WDR20: variants seen among roughly 807,000 people sequenced by gnomAD.
The protein encoded by WDR20 is WD repeat-containing protein 20.
Under a neutral mutation model 38.7 loss-of-function variants are expected in WDR20, and 3 were observed. That is an observed-to-expected ratio of 0.08 (90% CI 0.04 to 0.20). The LOEUF is 0.20. Ranked by LOEUF, WDR20 falls within the 10% of genes least tolerant of loss-of-function variation. WDR20 has a pLI of 1.00. For synonymous variants in WDR20, 298 were observed against 285.6 expected (o/e 1.04, Z -0.44); for missense variants, 559 against 727.7 (o/e 0.77, Z 2.67).
downstream of WDR20, chr14:102,214,387 G>T: frequency 1.0e-6 from 1 of 985,444 alleles, no homozygotes; most frequent in Non-Finnish European, 1.2e-6. Context: ...AGTGAAGTCT[G>T]TGGCTTTATA....
At chr14:102,176,319 C>T (rs1443065300) in intron 1 of WDR20, among the ~76,000 whole-genome samples, 2 of 151,870 alleles carry the variant, frequency 1.3e-5, no homozygotes, top group African/African-American at 4.8e-5. Flanking sequence ...CGCTTGAACC[C>T]AGGAGGCAGA....
At position 102,189,136 on chromosome 14, in the gene WDR20, G is replaced by C. The variant is rs191303795; in HGVS notation, c.250-5802G>C. 2.9e-3 allele frequency among the ~76,000 whole-genome samples: 439 copies of C among 152,190 alleles called. 4 individuals carry two copies. Among genetic ancestry groups the C allele is most frequent in the African/African-American group, 0.01 (417 of 41,524 alleles). ...GAGGCAGGAGAATCACTTGAACCCG[G>C]GAGGCAGAGGTCGCAGTGAGCCCAG... On this transcript the variant is annotated intron_variant, in intron 1 of 2. Transcript: ENST00000342702.
downstream of WDR20, among the ~76,000 whole-genome samples, chr14:102,219,286 A>G (rs2063607478): frequency 6.6e-6 from 1 of 152,248 alleles, no homozygotes; most frequent in South Asian, 2.1e-4. Context: ...TCACCACGGC[A>G]AAGTGAGTCC....
chr14:102,175,020 T>C (rs1239003957), intron 1 of WDR20, among the ~76,000 whole-genome samples: 1 of 152,218 alleles, frequency 6.6e-6, no homozygotes, highest in Non-Finnish European at 1.5e-5. Flanking sequence ...TTGTTTACTC[T>C]GCTGATTATT....
intron 1 of WDR20, among the ~76,000 whole-genome samples, chr14:102,175,794 A>C (rs941408651): frequency 6.6e-6 from 1 of 151,994 alleles, no homozygotes; most frequent in Non-Finnish European, 1.5e-5. Flanking sequence ...TAAGTATTTT[A>C]TTTTATTTTT....
chr14:102,159,385 C>T (rs973293864), intron 1 of WDR20, among the ~76,000 whole-genome samples: 3 of 152,166 alleles, frequency 2.0e-5, no homozygotes, highest in African/African-American at 4.8e-5. Flanking sequence ...GCATCATCAG[C>T]GGTCACCTGG....
At chr14:102,181,456 T>C (rs2063352190) in intron 1 of WDR20, among the ~76,000 whole-genome samples, 1 of 151,722 alleles carries the variant, frequency 6.6e-6, no homozygotes, top group Non-Finnish European at 1.5e-5. Flanking sequence ...TTGGTCTGAG[T>C]TGCAGCATCT....
chr14:102,148,054 A>G (rs1385076817), intron 1 of WDR20, among the ~76,000 whole-genome samples: 2 of 152,164 alleles, frequency 1.3e-5, no homozygotes, highest in Non-Finnish European at 2.9e-5. Flanking sequence ...TAAAAATAGG[A>G]AGATTTTTGT....
At position 102,206,040 on chromosome 14, in the gene WDR20, T is replaced by TG. The variant is rs541762983; in HGVS notation, c.433-2562dup. On this transcript the variant is annotated intron_variant, in intron 2 of 2. Coordinates refer to ENST00000342702, the MANE Select transcript of WDR20 (RefSeq NM_144574.4). ...CTTTGTCGCCCAGGCTGGAATGCAA[T>TG]GACGTGATCTTGGCTCACTGCACAC... 7.2e-4 allele frequency among the ~76,000 whole-genome samples: 109 copies of TG among 152,266 alleles called. 1 individual carries two copies. Among genetic ancestry groups the TG allele is most frequent in the African/African-American group, 2.5e-3 (105 of 41,544 alleles).
At chr14:102,218,935 C>CG (rs1208714350), downstream of WDR20, among the ~76,000 whole-genome samples, 2 of 152,244 alleles carry the variant, frequency 1.3e-5, no homozygotes, top group African/African-American at 4.8e-5. Flanking sequence ...GGTCCTCCGT[C>CG]GGCCGGGCCG....
At chr14:102,153,414 C>T (rs533146179) in intron 1 of WDR20, among the ~76,000 whole-genome samples, 65 of 149,182 alleles carry the variant, frequency 4.4e-4, no homozygotes, top group Middle Eastern at 3.6e-3. Context: ...TCACGCCATT[C>T]TCCTGCCTCA....
At chr14:102,218,350 TG>T (rs759917689), downstream of WDR20, among the ~76,000 whole-genome samples, 2 of 152,254 alleles carry the variant, frequency 1.3e-5, no homozygotes, top group African/African-American at 2.4e-5. Flanking sequence ...CCAGGGGTCG[TG>T]GGGGTCAGAA....
chr14:102,147,251 C>T (rs991284941), intron 1 of WDR20, among the ~76,000 whole-genome samples: 1 of 152,126 alleles, frequency 6.6e-6, no homozygotes, highest in Non-Finnish European at 1.5e-5. Flanking sequence ...AAAAATTAGC[C>T]AAGTATGGTG....
intron 1 of WDR20, among the ~76,000 whole-genome samples, chr14:102,144,375 G>A (rs1251578490): frequency 1.3e-5 from 2 of 151,814 alleles, no homozygotes; most frequent in Non-Finnish European, 2.9e-5. Context: ...CCAGCTACTC[G>A]GGAGGCCGAG....
chr14:102,178,044 T>C (rs1728681836), intron 1 of WDR20, among the ~76,000 whole-genome samples: 1 of 152,184 alleles, frequency 6.6e-6, no homozygotes, highest in Admixed American at 6.5e-5. Flanking sequence ...TTTTATAACA[T>C]GAGTTTGTAT....
intron 1 of WDR20, among the ~76,000 whole-genome samples, chr14:102,187,066 G>T (rs997151311): frequency 9.2e-5 from 14 of 152,088 alleles, no homozygotes; most frequent in African/African-American, 3.4e-4. Flanking sequence ...TTTCTAGTAG[G>T]TGATCCTTTG....
downstream of WDR20, among the ~76,000 whole-genome samples, chr14:102,212,053 A>G (rs117436669): frequency 2.0e-5 from 3 of 152,132 alleles, no homozygotes; most frequent in African/African-American, 2.4e-5. Context: ...GCAGGGGTAC[A>G]CTGACAGGTG....
Position 102,223,016 on chromosome 14 carries a change from C to T in WDR20, c.*133C>T, listed in dbSNP as rs894804363. 7.2e-5 allele frequency: 75 copies of T among 1,039,314 alleles called. No individual in the cohort carries two copies. The East Asian group carries it at 8.2e-4, about 11-fold the overall frequency. 64.4% of individuals were successfully genotyped at this position (1,039,314 alleles called of 1,614,324 possible). ...TGGACGTCGGCGATAGCCGTGTGGA[C>T]GGTGACCGGCTCACTCTGCGGCGCC... On this transcript the variant is annotated 3_prime_UTR_variant, in exon 4 of 4. Transcript: ENST00000335263.
chr14:102,146,003 T>A (rs1566784891), intron 1 of WDR20, among the ~76,000 whole-genome samples: 4 of 151,792 alleles, frequency 2.6e-5, no homozygotes, highest in African/African-American at 7.3e-5. Flanking sequence ...TTTTTTTTTT[T>A]AAATGGAAAT....
Sources: allele counts gnomAD v4.1 joint callset (sites outside exome capture counted in the v4.1 genomes callset), GRCh38; gene constraint gnomAD v4.1.1; transcripts MANE v1.5; gene names NCBI Gene and HGNC (gene_info 2026-07-23, HGNC 2026-07-21).